The following AADAT variants were observed in gnomAD, a reference collection of about 807,000 sequenced individuals.
The protein encoded by AADAT is aminoadipate aminotransferase.
AADAT carries 25 observed loss-of-function variants against 56.2 expected under a neutral mutation model. That is an observed-to-expected ratio of 0.44 (90% CI 0.32 to 0.62). The LOEUF is 0.62. AADAT is among the 20% of genes least tolerant of loss of function. The pLI is 0.04. For missense variants in AADAT, 387 were observed against 510.5 expected (o/e 0.76, Z 2.33); for synonymous variants, 173 against 164.7 (o/e 1.05, Z -0.39).
rs906512050 is a variant in AADAT at position 170,062,979 on chromosome 4, A to G, written c.1135-986T>C. 3.3e-5 allele frequency among the ~76,000 whole-genome samples: 5 copies of G among 152,346 alleles called. No homozygotes were observed. The East Asian group carries it at 9.6e-4, about 29-fold the overall frequency. Reference sequence around the variant, plus strand: ...GCTTATTAAGTCTTTGAGATTTTCAAGTTTATCTTCTGTGGTGGTTAGGGT... The same window carrying G: ...GCTTATTAAGTCTTTGAGATTTTCAGGTTTATCTTCTGTGGTGGTTAGGGT... On this transcript the variant is annotated intron_variant, in intron 11 of 12. Transcript: ENST00000337664.
Position 170,089,886 on chromosome 4 carries a change from C to G in AADAT, c.-196G>C. The G allele has an allele frequency of 5.0e-6, 3 of 601,204 alleles. No homozygotes were observed. The South Asian group carries it at 5.8e-5, about 12-fold the overall frequency. 37.2% of individuals were successfully genotyped at this position (601,204 alleles called of 1,614,324 possible). A position where few individuals can be genotyped will look rare whatever the true frequency, so the allele number is the denominator to read the frequency against. ...AAACTCCCCGGCTGGACGCTGCGTTCGGTCTCCCGGTCCTAAACGGGTCTG... is the reference window on the plus strand; with the variant it reads ...AAACTCCCCGGCTGGACGCTGCGTTGGGTCTCCCGGTCCTAAACGGGTCTG... On this transcript the variant is annotated 5_prime_UTR_variant, in exon 1 of 13. Coordinates refer to ENST00000337664, the MANE Select transcript of AADAT (RefSeq NM_016228.4).
chr4:170,083,822 A>G (rs1390695093), intron 3 of AADAT, among the ~76,000 whole-genome samples: 18 of 152,184 alleles, frequency 1.2e-4, no homozygotes. Context: ...GGAGAACAGT[A>G]CAGAGGTTCC....
intron 10 of AADAT, among the ~76,000 whole-genome samples, chr4:170,065,078 C>T (rs1322886309): frequency 2.0e-5 from 3 of 152,128 alleles, no homozygotes; most frequent in Admixed American, 6.5e-5. Context: ...CTCGCGTGTG[C>T]GTATTTACAA....
chr4:170,077,769 T>C (rs1732107634), intron 4 of AADAT, among the ~76,000 whole-genome samples: 1 of 152,234 alleles, frequency 6.6e-6, no homozygotes, highest in South Asian at 2.1e-4. Flanking sequence ...CCTAAGGTCA[T>C]GTACAAATAA....
intron 2 of AADAT, among the ~76,000 whole-genome samples, chr4:170,087,638 A>C (rs1371683782): frequency 1.3e-5 from 2 of 152,194 alleles, no homozygotes; most frequent in Admixed American, 1.3e-4. Flanking sequence ...GGAATGTTTG[A>C]ATAAGCCTAT....
At chr4:170,085,930 G>A (rs1367542512) in intron 3 of AADAT, among the ~76,000 whole-genome samples, 1 of 152,064 alleles carries the variant, frequency 6.6e-6, no homozygotes, top group African/African-American at 2.4e-5. Context: ...AAAGATAAAT[G>A]GGAGTCATAG....
intron 4 of AADAT, among the ~76,000 whole-genome samples, chr4:170,077,943 T>A (rs996753870): frequency 3.3e-5 from 5 of 152,172 alleles, no homozygotes. Context: ...TTTCTCTGAG[T>A]ATGCTCCAGT....
chr4:170,064,732 G>A lies in AADAT; in HGVS notation c.1121C>T (p.Ala374Val), dbSNP rs766590826. Reference protein sequence around the residue: ...NDVKELIEEKAVKMGVLMLPG... With the variant: ...NDVKELIEEKVVKMGVLMLPG... ...TCCCAGTTTTACCCCCATCTTAACG[G>A]CCTTTTCTTCAATCAGTTCTTTTAC... is the stretch of plus-strand genomic sequence containing the variant. The change falls in exon 11 of 13, where the codon GCC becomes GTC. Residue 374 changes from alanine (A) to valine (V), a missense_variant. Transcript: ENST00000337664. The A allele has an allele frequency of 2.5e-6, 4 of 1,604,958 alleles. No individual in the cohort carries two copies. The highest frequency in any genetic ancestry group is 1.7e-5 in the Admixed American group (1 of 57,366).
chr4:170,086,366 GGAA>G (rs1437663118), intron 3 of AADAT, among the ~76,000 whole-genome samples: 3 of 152,024 alleles, frequency 2.0e-5, no homozygotes, highest in African/African-American at 7.2e-5. Context: ...AACCCAGAAG[GGAA>G]GAAGATGGAA....
intron 3 of AADAT, among the ~76,000 whole-genome samples, chr4:170,082,439 A>G (rs979060872): frequency 6.6e-6 from 1 of 152,192 alleles, no homozygotes; most frequent in East Asian, 1.9e-4. Flanking sequence ...TTCACTAAAA[A>G]TAAAGAGCAA....
At chr4:170,085,044 C>A (rs1392552688) in intron 3 of AADAT, among the ~76,000 whole-genome samples, 1 of 152,202 alleles carries the variant, frequency 6.6e-6, no homozygotes, top group Non-Finnish European at 1.5e-5. Context: ...TGATGATCCA[C>A]TTCCACTTAA....
intron 2 of AADAT, among the ~76,000 whole-genome samples, chr4:170,087,507 A>T (rs1732620657): frequency 6.6e-6 from 1 of 152,210 alleles, no homozygotes; most frequent in Non-Finnish European, 1.5e-5. Context: ...TTGAATCTAC[A>T]TCTTTCTTAT....
At chr4:170,090,477 G>T (rs1488030749), upstream of AADAT, 1 of 152,182 alleles carries the variant, frequency 6.6e-6, no homozygotes, top group Non-Finnish European at 1.5e-5. Context: ...CGACCAAGAC[G>T]AATTTCAACA....
chr4:170,082,983 C>T (rs1732387011), intron 3 of AADAT, among the ~76,000 whole-genome samples: 1 of 150,462 alleles, frequency 6.6e-6, no homozygotes, highest in African/African-American at 2.5e-5. Flanking sequence ...AACAGATTAT[C>T]CAGACAGAAA....
chr4:170,080,515 C>A (rs185116941), intron 3 of AADAT, among the ~76,000 whole-genome samples: 13 of 152,268 alleles, frequency 8.5e-5, no homozygotes, highest in African/African-American at 2.9e-4. Context: ...AATCGGGAGG[C>A]AGGACTACCA....
intron 1 of AADAT, 114 bp downstream of exon 1, chr4:170,089,510 G>A: frequency 8.8e-7 from 1 of 1,138,320 alleles, no homozygotes; most frequent in South Asian, 1.3e-5. Context: ...CACCGCGAGC[G>A]TGCACAGGGG....
chr4:170,069,066 A>G, intron 7 of AADAT, 82 bp downstream of exon 7: 1 of 1,233,532 alleles, frequency 8.1e-7, no homozygotes, highest in Non-Finnish European at 1.1e-6. Flanking sequence ...TAAGTGAAAA[A>G]AATTGTCTAG....
At chr4:170,070,847 G>A (rs1436786701) in intron 5 of AADAT, among the ~76,000 whole-genome samples, 195 bp from the exon 6 acceptor site, 2 of 152,184 alleles carry the variant, frequency 1.3e-5, no homozygotes, top group Non-Finnish European at 2.9e-5. Context: ...TTAGATTCCA[G>A]GGGGAAAGAC....
intron 3 of AADAT, among the ~76,000 whole-genome samples, chr4:170,080,631 G>A (rs1386371016): frequency 6.6e-6 from 1 of 152,144 alleles, no homozygotes; most frequent in Non-Finnish European, 1.5e-5. Flanking sequence ...AGAGGTTCCT[G>A]GGTATAATTC....
Sources: gnomAD v4.1 joint callset for allele counts (sites outside exome capture counted in the v4.1 genomes callset) on GRCh38, gnomAD v4.1.1 for gene constraint, MANE v1.5 for transcripts, NCBI Gene and HGNC (gene_info 2026-07-23, HGNC 2026-07-21) for gene names.